ARSG: variants seen among roughly 807,000 people sequenced by gnomAD.
The protein encoded by ARSG is arylsulfatase G, also known as ASG.
ARSG carries 37 observed loss-of-function variants against 50.5 expected under a neutral mutation model. The ratio of observed to expected loss-of-function variants is 0.73; its 90% CI spans 0.56 to 0.96. ARSG has a LOEUF of 0.96. Ranked by LOEUF, ARSG falls within the 50% of genes least tolerant of loss-of-function variation. The pLI, the probability that ARSG is intolerant of heterozygous loss-of-function variation, is 0.00. For synonymous variants in ARSG, 225 were observed against 254.6 expected (o/e 0.88, Z 1.11); for missense variants, 629 against 675.3 (o/e 0.93, Z 0.76).
intron 1 of ARSG, among the ~76,000 whole-genome samples, chr17:68,276,090 T>C (rs1441287095): frequency 6.6e-6 from 1 of 152,000 alleles, no homozygotes; most frequent in African/African-American, 2.4e-5. Context: ...TAAATTTCTC[T>C]CTCTCTCTTT....
chr17:68,312,885 G>A (rs1555767249), intron 2 of ARSG, among the ~76,000 whole-genome samples: 3 of 152,140 alleles, frequency 2.0e-5, no homozygotes, highest in Non-Finnish European at 4.4e-5. Context: ...CACCACGCCC[G>A]GTTCTGTTGC....
intron 9 of ARSG, among the ~76,000 whole-genome samples, chr17:68,387,098 C>T (rs1217908294): frequency 6.6e-6 from 1 of 151,548 alleles, no homozygotes; most frequent in Non-Finnish European, 1.5e-5. Context: ...CACACACACA[C>T]ACACACACAC....
At chr17:68,274,136 C>A in intron 1 of ARSG, 1 of 1,534,838 alleles carries the variant, frequency 6.5e-7, no homozygotes. Flanking sequence ...CCATAAGACT[C>A]CTTCCTCCAC....
chr17:68,346,779 C>T (rs2078523441), intron 3 of ARSG: 1 of 1,306,432 alleles, frequency 7.7e-7, no homozygotes, highest in Admixed American at 2.3e-5. Context: ...TGCAGGGCCC[C>T]AGCGCGGGAG....
At position 68,366,501 on chromosome 17, in the gene ARSG, A is replaced by G. The variant is rs1599900160; in HGVS notation, c.705-2047A>G. 2.0e-5 allele frequency among the ~76,000 whole-genome samples: 3 copies of G among 152,298 alleles called. 1 individual carries two copies. The Middle Eastern group carries it at 0.01, about 518-fold the overall frequency. On this transcript the variant is annotated intron_variant, in intron 6 of 11. Transcript: ENST00000621439. The stretch of plus-strand genomic sequence containing the variant: ...AGCAGGATGTCCTGATGCAGGCCAC[A>G]ACCTGCACAACTGTACATGACCATC...
chr17:68,263,067 A>G (rs1156737930), intron 1 of ARSG, among the ~76,000 whole-genome samples: 3 of 152,106 alleles, frequency 2.0e-5, no homozygotes, highest in Admixed American at 1.3e-4. Context: ...CACAATCTGT[A>G]TTTTCTCAAT....
At chr17:68,354,989 A>C (rs1223746474) in intron 5 of ARSG, among the ~76,000 whole-genome samples, 1 of 152,166 alleles carries the variant, frequency 6.6e-6, no homozygotes, top group Non-Finnish European at 1.5e-5. Context: ...TGATTTCTTC[A>C]CAAATCCTTC....
At chr17:68,437,993 AGTTAGTATATTAAGTGGGTTTCTTCT>A in the ARSG span, among the ~76,000 whole-genome samples, 1 of 147,646 alleles carries the variant, frequency 6.8e-6, no homozygotes, top group Non-Finnish European at 1.5e-5. Context: ...GTCTATTACA[AGTTAGTATATTAAGTGGGTTTCTTCT>A]AAAAGTATAA....
Position 68,337,860 on chromosome 17 carries a change from G to A in ARSG, c.219-5744G>A, listed in dbSNP as rs545525320. ...TCGAACTCCCAACCTCAGGTGATCC[G>A]CCTGCCTTGGCCTCCCAAAGTGCTG... On this transcript the variant is annotated intron_variant, in intron 2 of 11. Coordinates refer to ENST00000621439, the MANE Select transcript of ARSG (RefSeq NM_001267727.2). Among the ~76,000 whole-genome samples the A allele has an allele frequency of 2.4e-4, 36 of 152,080 alleles. No individual in the cohort carries two copies. In the South Asian group the frequency reaches 6.4e-3, roughly 27 times the overall value.
chr17:68,430,193 G>GCAGCCCAGTCCCATC, the ARSG span: 1 of 1,585,266 alleles, frequency 6.3e-7, no homozygotes, highest in Non-Finnish European at 8.6e-7. Flanking sequence ...CGATGGGACT[G>GCAGCCCAGTCCCATC]GGCTGCAGGC....
At chr17:68,382,673 T>C (rs1467531180) in intron 8 of ARSG, among the ~76,000 whole-genome samples, 3 of 152,184 alleles carry the variant, frequency 2.0e-5, no homozygotes, top group South Asian at 2.1e-4. Flanking sequence ...TCTTTGTAAG[T>C]TTTGTCCACT....
intron 8 of ARSG, among the ~76,000 whole-genome samples, chr17:68,383,017 G>T (rs2080512417): frequency 6.6e-6 from 1 of 152,180 alleles, no homozygotes; most frequent in Admixed American, 6.5e-5. Context: ...CAAGGAGATT[G>T]TCTGCTTTGT....
At chr17:68,406,280 A>G (rs2081714213) in intron 11 of ARSG, among the ~76,000 whole-genome samples, 1 of 151,932 alleles carries the variant, frequency 6.6e-6, no homozygotes, top group East Asian at 1.9e-4. Flanking sequence ...TTCTTTATCC[A>G]CTCATTGATT....
intron 8 of ARSG, among the ~76,000 whole-genome samples, chr17:68,383,933 G>A (rs958870905): frequency 6.6e-6 from 1 of 152,028 alleles, no homozygotes. Flanking sequence ...AAAACTTGAG[G>A]GACTCCAAAG....
Position 68,271,270 on chromosome 17 carries a change from T to A in ARSG, c.-552+11844T>A. 6.2e-7 allele frequency: 1 copy of A among 1,614,186 alleles called. No individual in the cohort carries two copies. Among genetic ancestry groups the A allele is most frequent in the Non-Finnish European group, 8.5e-7 (1 of 1,180,028 alleles). On this transcript the variant is annotated intron_variant, in intron 1 of 11. Transcript: ENST00000448504. The surrounding 1 kb of genome is among the most constrained non-coding windows in gnomAD (Gnocchi z 5.3). ...TGTTGCAAAGAGACCAAATAATGCA[T>A]AACAAATAAAACTTTTCTCTTTCAA...
At chr17:68,294,553 C>T (rs1352940382) in intron 1 of ARSG, among the ~76,000 whole-genome samples, 1 of 152,048 alleles carries the variant, frequency 6.6e-6, no homozygotes, top group Non-Finnish European at 1.5e-5. Flanking sequence ...TTCAGGGCAG[C>T]CATCAAAGGG....
In ARSG at chr17:68,381,353, C is replaced by T. The variant is rs2080423530; in HGVS notation, c.983-3711C>T. On this transcript the variant is annotated intron_variant, in intron 8 of 11. Transcript: ENST00000621439. This position sits in a 1 kb window ranked among gnomAD's most constrained non-coding sequence, Gnocchi z 4.1. ...ATATTTATTGCTTTAAGAGGTTCTG[C>T]TTTAATTAGAGTCACAAGTAACCAC... is the stretch of plus-strand genomic sequence containing the variant. Among the ~76,000 whole-genome samples the T allele has an allele frequency of 6.6e-6, 1 of 152,136 alleles. No homozygotes were observed. The highest frequency in any genetic ancestry group is 1.5e-5 in the Non-Finnish European group (1 of 68,042).
At chr17:68,428,557 C>G in the ARSG span, 4 of 314,484 alleles carry the variant, frequency 1.3e-5, no homozygotes, top group Non-Finnish European at 1.8e-5. Context: ...TGAACACCCA[C>G]TGTGAGCTCA....
intron 1 of ARSG, among the ~76,000 whole-genome samples, chr17:68,264,838 C>A (rs577771034): frequency 1.6e-4 from 25 of 151,928 alleles, no homozygotes; most frequent in Non-Finnish European, 3.5e-4. Flanking sequence ...AAAGCAGAAT[C>A]TTTTTAATCA....
Sources: gnomAD v4.1 joint callset for allele counts (sites outside exome capture counted in the v4.1 genomes callset) on GRCh38, gnomAD v4.1.1 for gene constraint, Gnocchi (gnomAD v3.1) non-coding constraint, MANE v1.5 for transcripts, NCBI Gene and HGNC (gene_info 2026-07-23, HGNC 2026-07-21) for gene names.